ITPR1: variants seen among roughly 807,000 people sequenced by gnomAD.
ITPR1 encodes inositol 1,4,5-trisphosphate-gated calcium channel ITPR1.
In ITPR1, 96 loss-of-function variants were observed where a neutral mutation model predicts 318.4. The observed-to-expected ratio is 0.30, with a 90% CI of 0.26 to 0.36. ITPR1 has a LOEUF of 0.36. Ranked by LOEUF, ITPR1 falls within the 10% of genes least tolerant of loss-of-function variation. ITPR1 has a pLI of 1.00. For synonymous variants in ITPR1, 1,312 were observed against 1,289.9 expected, an observed-to-expected ratio of 1.02 and a Z score of -0.37; for missense variants, 2,440 against 3,460.2, an observed-to-expected ratio of 0.71 and a Z score of 7.40.
intron 4 of ITPR1, among the ~76,000 whole-genome samples, chr3:4,623,345 A>C (rs572224828): frequency 6.6e-6 from 1 of 152,182 alleles, no homozygotes; most frequent in Admixed American, 6.5e-5. Flanking sequence ...TGCTAACTCA[A>C]TGTGGCATAT....
At chr3:4,819,459 C>G (rs1340059335) in intron 60 of ITPR1, among the ~76,000 whole-genome samples, 1 of 152,194 alleles carries the variant, frequency 6.6e-6, no homozygotes, top group African/African-American at 2.4e-5. Context: ...TTCCAACAAC[C>G]TTCCAGGAGA....
chr3:4,691,546 A>C (rs1349907029), intron 32 of ITPR1, among the ~76,000 whole-genome samples: 1 of 152,250 alleles, frequency 6.6e-6, no homozygotes, highest in Non-Finnish European at 1.5e-5. Context: ...GATATTTCAT[A>C]GCAACCAATT....
At chr3:4,840,230 A>G (rs1275994511) in intron 61 of ITPR1, among the ~76,000 whole-genome samples, 3 of 152,136 alleles carry the variant, frequency 2.0e-5, no homozygotes, top group Non-Finnish European at 2.9e-5. Context: ...TTTATGTGCA[A>G]AAGATATTAA....
At chr3:4,540,149 C>CT (rs1282213145) in intron 4 of ITPR1, among the ~76,000 whole-genome samples, 7 of 151,364 alleles carry the variant, frequency 4.6e-5, no homozygotes, top group Non-Finnish European at 1.0e-4. Flanking sequence ...TCAGTTTTTT[C>CT]TTTATGTATA....
intron 4 of ITPR1, among the ~76,000 whole-genome samples, chr3:4,525,887 CA>C (rs1559385613): frequency 6.6e-6 from 1 of 152,146 alleles, no homozygotes; most frequent in African/African-American, 2.4e-5. Flanking sequence ...AAGATATCTA[CA>C]AAGAAAAGGT....
At chr3:4,698,696 G>C (rs955786804) in intron 34 of ITPR1, among the ~76,000 whole-genome samples, 9 of 152,254 alleles carry the variant, frequency 5.9e-5, no homozygotes, top group African/African-American at 1.4e-4. Context: ...TGTAAAATCA[G>C]TTATTAATAT....
At chr3:4,594,852 G>A (rs1052633158) in intron 4 of ITPR1, among the ~76,000 whole-genome samples, 2 of 152,172 alleles carry the variant, frequency 1.3e-5, no homozygotes, top group African/African-American at 4.8e-5. Flanking sequence ...AATGAGTACT[G>A]AGTATGCAGC....
At chr3:4,624,269 C>G (rs571260338) in intron 4 of ITPR1, among the ~76,000 whole-genome samples, 2 of 152,146 alleles carry the variant, frequency 1.3e-5, no homozygotes, top group Non-Finnish European at 2.9e-5. Context: ...TAAAGTAAGT[C>G]ATGTGTCAAA....
intron 61 of ITPR1, among the ~76,000 whole-genome samples, chr3:4,844,078 A>G (rs2051570443): frequency 6.6e-6 from 1 of 152,012 alleles, no homozygotes; most frequent in Non-Finnish European, 1.5e-5. Context: ...CTTTAAATAT[A>G]AGCTTTGAGT....
At chr3:4,730,417 G>GT (rs1238067045) in intron 42 of ITPR1, among the ~76,000 whole-genome samples, 3 of 65,476 alleles carry the variant, frequency 4.6e-5, no homozygotes, top group Non-Finnish European at 6.3e-5. Context: ...GTGTGTGTGT[G>GT]TGTTTCCCCC....
intron 33 of ITPR1, among the ~76,000 whole-genome samples, chr3:4,694,319 A>G (rs941086049): frequency 1.3e-5 from 2 of 149,936 alleles, no homozygotes; most frequent in African/African-American, 4.9e-5. Context: ...AGTATATTAT[A>G]AAGTATATAT....
At chr3:4,749,786 T>C (rs2044367665) in intron 44 of ITPR1, 1 of 152,654 alleles carries the variant, frequency 6.6e-6, no homozygotes, top group Non-Finnish European at 1.5e-5. Context: ...GAAGTCAAAA[T>C]CATGGAGCTC....
At chr3:4,734,551 G>A (rs1189702245) in intron 43 of ITPR1, among the ~76,000 whole-genome samples, 1 of 152,240 alleles carries the variant, frequency 6.6e-6, no homozygotes, top group Non-Finnish European at 1.5e-5. Context: ...TACAAGGCAA[G>A]TCCTTAAATA....
At chr3:4,836,687 G>C in intron 60 of ITPR1, 87 bp from the exon 61 acceptor site, 1 of 1,217,754 alleles carries the variant, frequency 8.2e-7, no homozygotes, top group Non-Finnish European at 1.0e-6. Flanking sequence ...AGGAAACATG[G>C]CACGGTAAGC....
chr3:4,542,403 A>C (rs2084545067), intron 4 of ITPR1, among the ~76,000 whole-genome samples: 1 of 152,220 alleles, frequency 6.6e-6, no homozygotes, highest in African/African-American at 2.4e-5. Context: ...CAGTTGCCAG[A>C]GATGCTGCCA....
At chr3:4,729,118 G>C (rs988058698) in intron 42 of ITPR1, among the ~76,000 whole-genome samples, 2 of 152,184 alleles carry the variant, frequency 1.3e-5, no homozygotes, top group African/African-American at 4.8e-5. Context: ...AGAGGACTTG[G>C]TATGGAATGC....
chr3:4,706,296 G>A lies in ITPR1; in HGVS notation c.4787G>A (p.Arg1596Lys). The change falls in exon 37 of 62, where the codon AGG (arginine) becomes AAG (lysine). Residue 1596 changes from arginine (R) to lysine (K), a missense_variant. By Grantham distance (26) the Arg-to-Lys change is conservative (BLOSUM62 2). Transcript: ENST00000649015. ...WRLSARNAARRDSVLAASRDY... is the reference protein window; with the variant it reads ...WRLSARNAARKDSVLAASRDY... ...CTCTCAGCCCGCAATGCCGCACGCA[G>A]GGACTCTGTTCTGGCAGCTTCCAGA... is the stretch of plus-strand genomic sequence containing the variant. 6.2e-7 allele frequency: 1 copy of A among 1,614,014 alleles called. No individual in the cohort carries two copies. Among genetic ancestry groups the A allele is most frequent in the Admixed American group, 1.7e-5 (1 of 60,032 alleles).
Position 4,727,236 on chromosome 3 carries a change from G to A in ITPR1, c.5220+63G>A, listed in dbSNP as rs547843824. ...ATCAATGACCGTAACACCTCCATCA[G>A]CCACACACTGTGATTGAGAGACAGC... On this transcript the variant is annotated intron_variant, in intron 42 of 61. Transcript: ENST00000649015. The A allele has an allele frequency of 1.5e-5, 18 of 1,176,712 alleles. No individual in the cohort carries two copies. In the South Asian group the frequency reaches 2.7e-4, roughly 17 times the overall value. The allele number at this position is 1,176,712 out of a possible 1,614,324, so 72.9% of individuals were successfully genotyped here.
rs17041156 is a variant in ITPR1, at chr3:4,675,543, G to A, written c.2779+295G>A. On this transcript the variant is annotated intron_variant, in intron 23 of 61. Coordinates refer to ENST00000649015, the MANE Select transcript of ITPR1 (RefSeq NM_001378452.1). The stretch of plus-strand genomic sequence containing the variant: ...ATTTATGTGTTTATGTATGAGTCGT[G>A]TGTATATTTTGTTGAACAATTTGAA... Among the ~76,000 whole-genome samples, 392 of 152,298 alleles carry A rather than the reference G, an allele frequency of 2.6e-3. 1 individual carries two copies. The highest frequency in any genetic ancestry group is 9.3e-3 in the African/African-American group (385 of 41,554).
Sources: allele counts gnomAD v4.1 joint callset (sites outside exome capture counted in the v4.1 genomes callset), GRCh38; gene constraint gnomAD v4.1.1; transcripts MANE v1.5; gene names NCBI Gene and HGNC (gene_info 2026-07-23, HGNC 2026-07-21).